Variants in RABL2B observed in about 807,000 individuals in gnomAD.
RABL2B encodes the protein rab-like protein 2B.
A neutral mutation model predicts 26.7 loss-of-function variants in RABL2B; 17 were observed. The ratio of observed to expected loss-of-function variants is 0.64; its 90% CI spans 0.44 to 0.95. The LOEUF is 0.95. Among genes scored for constraint, RABL2B ranks in the 40% least tolerant of loss-of-function variants. The pLI is 0.00. For missense variants in RABL2B, 170 were observed against 277.2 expected (o/e 0.61, Z 2.75); for synonymous variants, 70 against 103.9 (o/e 0.67, Z 1.99).
At position 50,769,932 on chromosome 22, in the gene RABL2B, A is replaced by T. The variant is rs782017909; in HGVS notation, c.382T>A (p.Cys128Ser). The T allele has an allele frequency of 6.2e-7, 1 of 1,613,584 alleles. No individual in the cohort carries two copies. Among genetic ancestry groups the T allele is most frequent in the African/African-American group, 1.3e-5 (1 of 74,818 alleles). ...ELREFRPEIP[C>S]IVVANKIDAD... is the part of the protein sequence containing the mutation. Reference sequence around the variant, plus strand: ...TCAATTTTATTGGCCACCACGATGCATGGGATCTCTGGCCTGAACTCCCGA... The same window carrying T: ...TCAATTTTATTGGCCACCACGATGCTTGGGATCTCTGGCCTGAACTCCCGA... The change falls in exon 6 of 9, where the codon TGC becomes AGC. Residue 128 changes from cysteine (C) to serine (S), a missense_variant. This residue lies in a region of RABL2B where 165 missense variants were observed against 232.0 expected (regional missense o/e 0.71). Coordinates refer to ENST00000691320, the MANE Select transcript of RABL2B (RefSeq NM_001130919.3).
chr22:50,781,343 C>CA (rs1205230491), intron 2 of RABL2B, among the ~76,000 whole-genome samples: 2,291 of 58,910 alleles, frequency 0.039, 66 homozygotes, highest in African/African-American at 0.1. Context: ...GACTCCGTCT[C>CA]AAAAAAAAAA....
intron 2 of RABL2B, chr22:50,780,630 G>A (rs2085679533): frequency 6.4e-6 from 3 of 468,832 alleles, no homozygotes; most frequent in Admixed American, 4.7e-5. Flanking sequence ...CAGATGCACT[G>A]TTTCCACCAT....
chr22:50,769,078 G>C lies in RABL2B; in HGVS notation c.554C>G (p.Ser185Cys). The C allele has an allele frequency of 1.0e-6, 1 of 955,732 alleles. No homozygotes were observed. Among genetic ancestry groups the C allele is most frequent in the Non-Finnish European group, 1.6e-6 (1 of 636,620 alleles). The allele number at this position is 955,732 out of a possible 1,614,324, so 59.2% of individuals were successfully genotyped here. ...IRLAVSYKQN[S>C]QDFMDEIFQE... ...AAAAATCTCATCCATGAAGTCCTGG[G>C]AGTTCTGTTTGTAAGACACAGCTAA... Residue 185 changes from serine to cysteine, a missense_variant, in exon 8 of 9, where the codon TCC becomes TGC. Ser to Cys is a moderately radical substitution (Grantham distance 112). This residue lies in a region of RABL2B where 165 missense variants were observed against 232.0 expected (regional missense o/e 0.71). Coordinates refer to ENST00000691320, the MANE Select transcript of RABL2B (RefSeq NM_001130919.3).
chr22:50,775,134 A>G (rs1303314256), intron 5 of RABL2B, among the ~76,000 whole-genome samples: 1 of 152,200 alleles, frequency 6.6e-6, no homozygotes, highest in African/African-American at 2.4e-5. Context: ...TCAGCATTTA[A>G]AAGTGGTGGC....
chr22:50,768,260 A>C lies in RABL2B; in HGVS notation c.*516T>G, dbSNP rs2083661851. 2 of 216,176 alleles carry C rather than the reference A, an allele frequency of 9.3e-6. No homozygotes were observed. The highest frequency in any genetic ancestry group is 1.9e-5 in the Non-Finnish European group (2 of 106,434). 13.4% of individuals were successfully genotyped at this position (216,176 alleles called of 1,614,324 possible). A position where few individuals can be genotyped will look rare whatever the true frequency, so the allele number is the denominator to read the frequency against. ...TCTCAGAACGAACAAAGAAACAAACAAACCAGATGACTGGGAGACTGAAGA... is the reference window on the plus strand; with the variant it reads ...TCTCAGAACGAACAAAGAAACAAACCAACCAGATGACTGGGAGACTGAAGA... On this transcript the variant is annotated 3_prime_UTR_variant, in exon 9 of 9. Transcript: ENST00000691320.
At chr22:50,772,248 C>T (rs370123088) in intron 5 of RABL2B, 44 of 830,192 alleles carry the variant, frequency 5.3e-5, no homozygotes, top group Admixed American at 3.1e-4. Flanking sequence ...AGGCTGGTCT[C>T]GAACTCCTGA....
At chr22:50,778,313 G>T (rs1180191513) in intron 2 of RABL2B, among the ~76,000 whole-genome samples, 2 of 151,202 alleles carry the variant, frequency 1.3e-5, no homozygotes, top group Non-Finnish European at 2.9e-5. Flanking sequence ...TGCGCCTTCC[G>T]TTCAAAAGCC....
In RABL2B at chr22:50,768,218, G is replaced by A. The variant is rs1412476325; in HGVS notation, c.*558C>T. ...CTGCGCCACTGCACTCCAGCCTGGC[G>A]ACAGAGCGAGACTCCGTCTCAGAAC... On this transcript the variant is annotated 3_prime_UTR_variant, in exon 9 of 9. Transcript: ENST00000691320. The A allele has an allele frequency of 5.0e-6, 1 of 199,224 alleles. No homozygotes were observed. The highest frequency in any genetic ancestry group is 1.0e-5 in the Non-Finnish European group (1 of 95,990). The allele number at this position is 199,224 out of a possible 1,614,324, so 12.3% of individuals were successfully genotyped here.
rs1242889643 is a variant in RABL2B at position 50,767,742 on chromosome 22, T to G, written c.*1034A>C. On this transcript the variant is annotated 3_prime_UTR_variant, in exon 9 of 9. Coordinates refer to ENST00000691320, the MANE Select transcript of RABL2B (RefSeq NM_001130919.3). ...AAAGGACAGCCTCTTTATGCTGAAATAGGAACTTTAAAGGAAGCTCTTCTT... is the reference window on the plus strand; with the variant it reads ...AAAGGACAGCCTCTTTATGCTGAAAGAGGAACTTTAAAGGAAGCTCTTCTT... 9 of 454,774 alleles carry G rather than the reference T, an allele frequency of 2.0e-5. No individual in the cohort carries two copies. The highest frequency in any genetic ancestry group is 3.5e-5 in the Non-Finnish European group (8 of 226,386). The allele number at this position is 454,774 out of a possible 1,614,324, so 28.2% of individuals were successfully genotyped here.
In RABL2B at chr22:50,768,171, C is replaced by CAG. The variant is rs781898469; in HGVS notation, c.*603_*604dup. ...AGGAGAATCGTTTGAACCAGGGAGTCAGAGGTTGCAGCGAGCCGAGACTGC... is the reference window on the plus strand; with the variant it reads ...AGGAGAATCGTTTGAACCAGGGAGTCAGAGAGGTTGCAGCGAGCCGAGACTGC... On this transcript the variant is annotated 3_prime_UTR_variant, in exon 9 of 9. Coordinates refer to ENST00000691320, the MANE Select transcript of RABL2B (RefSeq NM_001130919.3). 211 of 194,618 alleles carry CAG rather than the reference C, an allele frequency of 1.1e-3. 1 individual carries two copies. The Middle Eastern group carries it at 0.014, about 12-fold the overall frequency. The allele number at this position is 194,618 out of a possible 1,614,324, so 12.1% of individuals were successfully genotyped here. A position where few individuals can be genotyped will look rare whatever the true frequency, so the allele number is the denominator to read the frequency against.
chr22:50,769,423 A>T, intron 7 of RABL2B, 32 bp downstream of exon 7: 1 of 1,610,082 alleles, frequency 6.2e-7, no homozygotes, highest in Non-Finnish European at 8.5e-7. Context: ...TAGCGCCCTG[A>T]CCTTGCTAGC....
chr22:50,780,637 C>A, intron 2 of RABL2B: 5 of 469,908 alleles, frequency 1.1e-5, no homozygotes, highest in South Asian at 7.8e-5. Context: ...ACTGTTTCCA[C>A]CATGGTCTTT....
chr22:50,780,792 G>T (rs1330906557), intron 2 of RABL2B: 28 of 469,310 alleles, frequency 6.0e-5, no homozygotes, highest in Non-Finnish European at 1.2e-4. Context: ...GTTACTGTTT[G>T]AAATGAGGCA....
chr22:50,776,862 T>C, intron 3 of RABL2B, 113 bp from the exon 4 acceptor site: 29 of 1,463,418 alleles, frequency 2.0e-5, no homozygotes, highest in Non-Finnish European at 2.7e-5. Flanking sequence ...TCTTTGGAGT[T>C]ATTGAGATTT....
rs147376674 is a variant in RABL2B, at chr22:50,769,522, T to G, written c.440A>C (p.Asn147Thr). 7.4e-4 allele frequency: 1,201 copies of G among 1,612,996 alleles called. 7 individuals carry two copies. The African/African-American group carries it at 0.015, about 20-fold the overall frequency. The change falls in exon 7 of 9, where the codon AAT becomes ACT. Residue 147 changes from asparagine (N) to threonine (T), a missense_variant. Coordinates refer to ENST00000691320, the MANE Select transcript of RABL2B (RefSeq NM_001130919.3). ...ADINVTQKSFNFAKKFSLPLY... is the reference protein window; with the variant it reads ...ADINVTQKSFTFAKKFSLPLY... The stretch of plus-strand genomic sequence containing the variant: ...GGGCAGGGAGAACTTCTTGGCAAAA[T>G]TGAAGCTTTTTTGGGTCACGTTTAT...
At position 50,768,672 on chromosome 22, in the gene RABL2B, G is replaced by A. The variant is rs1402165003; in HGVS notation, c.*104C>T. The stretch of plus-strand genomic sequence containing the variant: ...CTAATAGGATGGGTGGGTTGCAGGA[G>A]GTAGAAGAGGGGATGGCCTAGAGAG... On this transcript the variant is annotated 3_prime_UTR_variant, in exon 9 of 9. Transcript: ENST00000691320. The A allele has an allele frequency of 6.7e-7, 1 of 1,494,230 alleles. No homozygotes were observed. Among genetic ancestry groups the A allele is most frequent in the Non-Finnish European group, 8.9e-7 (1 of 1,118,962 alleles). The allele number at this position is 1,494,230 out of a possible 1,614,324, so 92.6% of individuals were successfully genotyped here.
chr22:50,777,820 C>G (rs2085215883), intron 3 of RABL2B, 132 bp downstream of exon 3: 2 of 1,453,340 alleles, frequency 1.4e-6, no homozygotes, highest in East Asian at 2.3e-5. Flanking sequence ...AAGTGCGGAA[C>G]AAAACCTGTG....
chr22:50,769,678 T>C, intron 6 of RABL2B, 126 bp from the exon 7 acceptor site: 1 of 1,502,366 alleles, frequency 6.7e-7, no homozygotes, highest in South Asian at 1.2e-5. Context: ...AAACAGGTCC[T>C]AGAAAGAGCT....
chr22:50,779,987 A>G (rs2085551742), intron 2 of RABL2B, among the ~76,000 whole-genome samples: 1 of 152,154 alleles, frequency 6.6e-6, no homozygotes, highest in South Asian at 2.1e-4. Flanking sequence ...TCTCCAAAAA[A>G]CAAAAAACCA....
Sources: allele counts gnomAD v4.1 joint callset (sites outside exome capture counted in the v4.1 genomes callset), GRCh38; gene constraint gnomAD v4.1.1; regional missense constraint gnomAD v4.1.1; transcripts MANE v1.5; gene names NCBI Gene and HGNC (gene_info 2026-07-23, HGNC 2026-07-21).